MBD5: variants seen among roughly 807,000 people sequenced by gnomAD.
MBD5 encodes methyl-CpG-binding domain protein 5.
Under a neutral mutation model 117.3 loss-of-function variants are expected in MBD5, and 13 were observed. The observed-to-expected ratio is 0.11, with a 90% CI of 0.07 to 0.18. The LOEUF is 0.18. Ranked by LOEUF, MBD5 falls within the 10% of genes least tolerant of loss-of-function variation. The probability of loss-of-function intolerance (pLI) is 1.00; values close to 1 mark genes in which losing one functional copy is unlikely to be tolerated. For synonymous variants in MBD5, 727 were observed against 766.4 expected (o/e 0.95, Z 0.85); for missense variants, 1,879 against 2,093.8 (o/e 0.90, Z 2.00).
chr2:148,245,844 TTAAG>T (rs1375316963), intron 3 of MBD5, among the ~76,000 whole-genome samples: 1 of 152,172 alleles, frequency 6.6e-6, no homozygotes, highest in East Asian at 1.9e-4. Flanking sequence ...ACATGAGACA[TTAAG>T]TAAACTAAGA....
chr2:148,320,157 A>G (rs962057668), intron 3 of MBD5, among the ~76,000 whole-genome samples: 4 of 152,096 alleles, frequency 2.6e-5, no homozygotes, highest in Non-Finnish European at 5.9e-5. Context: ...AGTTTTTTGT[A>G]GAAGATTTTT....
At chr2:148,312,422 T>C (rs1356381230) in intron 3 of MBD5, among the ~76,000 whole-genome samples, 4 of 152,180 alleles carry the variant, frequency 2.6e-5, no homozygotes, top group Admixed American at 1.3e-4. Context: ...CTGATATCCT[T>C]TCTTCCACTT....
intron 6 of MBD5, among the ~76,000 whole-genome samples, chr2:148,463,101 A>C (rs1442276815): frequency 6.6e-6 from 1 of 152,198 alleles, no homozygotes; most frequent in African/African-American, 2.4e-5. Context: ...CCAAAATATG[A>C]AACTGTTTTA....
rs535850812 is a variant in MBD5 at position 148,251,274 on chromosome 2, C to T, written c.-680+17879C>T. Among the ~76,000 whole-genome samples the T allele has an allele frequency of 7.0e-4, 107 of 152,248 alleles. 1 individual carries two copies. The highest frequency in any genetic ancestry group is 1.2e-3 in the Admixed American group (18 of 15,298). Reference sequence around the variant, plus strand: ...TCCATTCGACTCGAGAAATACTGTACTTCAGAAGCCCTTGTTACTTGATGT... The same window carrying T: ...TCCATTCGACTCGAGAAATACTGTATTTCAGAAGCCCTTGTTACTTGATGT... On this transcript the variant is annotated intron_variant, in intron 3 of 13. Coordinates refer to ENST00000642680, the MANE Select transcript of MBD5 (RefSeq NM_001378120.1).
chr2:148,204,511 C>A (rs1442219206), intron 2 of MBD5, among the ~76,000 whole-genome samples: 1 of 152,080 alleles, frequency 6.6e-6, no homozygotes. Context: ...GGAAAGTTGA[C>A]CTAGAACTGT....
chr2:148,326,646 C>G (rs1345218809), intron 3 of MBD5, among the ~76,000 whole-genome samples: 3 of 151,848 alleles, frequency 2.0e-5, no homozygotes, highest in Non-Finnish European at 4.4e-5. Context: ...TTATCAGAGA[C>G]TAGGATTGCA....
At chr2:148,384,706 A>C (rs535074716) in intron 4 of MBD5, among the ~76,000 whole-genome samples, 197 of 152,158 alleles carry the variant, frequency 1.3e-3, no homozygotes, top group African/African-American at 4.4e-3. Flanking sequence ...ACCTGACTTC[A>C]AACTATATTA....
At chr2:148,023,089 T>A (rs1045841678) in intron 1 of MBD5, among the ~76,000 whole-genome samples, 6 of 144,538 alleles carry the variant, frequency 4.2e-5, no homozygotes, top group Admixed American at 3.4e-4. Context: ...CTCACACCCT[T>A]TTTTTTTTTT....
intron 1 of MBD5, among the ~76,000 whole-genome samples, chr2:148,149,155 G>C (rs1017126355): frequency 2.1e-5 from 3 of 142,280 alleles, no homozygotes; most frequent in South Asian, 2.3e-4. Context: ...TGATCTCATT[G>C]TTCAATTCCC....
chr2:148,119,349 T>G (rs1696711627), intron 1 of MBD5, among the ~76,000 whole-genome samples: 1 of 152,200 alleles, frequency 6.6e-6, no homozygotes, highest in African/African-American at 2.4e-5. Context: ...TGTGCAATTT[T>G]TAATTGAATT....
chr2:148,373,433 A>T (rs950705074), intron 4 of MBD5, among the ~76,000 whole-genome samples: 1 of 152,084 alleles, frequency 6.6e-6, no homozygotes, highest in African/African-American at 2.4e-5. Context: ...AAATACAAAC[A>T]TGTTCTTCTA....
chr2:148,123,295 T>G (rs527967879), intron 1 of MBD5, among the ~76,000 whole-genome samples: 1 of 152,358 alleles, frequency 6.6e-6, no homozygotes, highest in South Asian at 2.1e-4. Flanking sequence ...AGAAAATGAC[T>G]ATGATATGAA....
intron 11 of MBD5, among the ~76,000 whole-genome samples, chr2:148,498,320 T>G (rs1559103610): frequency 6.6e-6 from 1 of 152,232 alleles, no homozygotes; most frequent in Non-Finnish European, 1.5e-5. Flanking sequence ...TAACCAGCTC[T>G]ATTTAAAAGT....
intron 1 of MBD5, among the ~76,000 whole-genome samples, chr2:148,035,681 G>A (rs559343032): frequency 1.3e-5 from 2 of 152,152 alleles, no homozygotes; most frequent in Non-Finnish European, 2.9e-5. Flanking sequence ...CATTAGGTAG[G>A]CAATATTGCA....
At chr2:148,050,794 TTGATTA>T (rs1694678414) in intron 1 of MBD5, among the ~76,000 whole-genome samples, 1 of 152,182 alleles carries the variant, frequency 6.6e-6, no homozygotes, top group African/African-American at 2.4e-5. Flanking sequence ...CTACACTGTT[TTGATTA>T]CTGTAGCTTT....
At chr2:148,153,070 G>T (rs562001143) in intron 1 of MBD5, among the ~76,000 whole-genome samples, 60 of 151,994 alleles carry the variant, frequency 3.9e-4, no homozygotes, top group African/African-American at 1.4e-3. Context: ...TTTTGCAGCG[G>T]CTGGTACCGA....
At chr2:148,334,026 T>C (rs576480222) in intron 3 of MBD5, among the ~76,000 whole-genome samples, 1 of 152,336 alleles carries the variant, frequency 6.6e-6, no homozygotes, top group East Asian at 1.9e-4. Context: ...TTTTTTTGTT[T>C]ATTTATTTAT....
At chr2:148,411,312 G>A (rs940052629) in intron 4 of MBD5, among the ~76,000 whole-genome samples, 2 of 152,026 alleles carry the variant, frequency 1.3e-5, no homozygotes, top group Admixed American at 6.6e-5. Context: ...GGGCATATGC[G>A]TCCGTGTGTC....
At position 148,223,829 on chromosome 2, in the gene MBD5, G is replaced by A. The variant is rs535913948; in HGVS notation, c.-830-9416G>A. Among the ~76,000 whole-genome samples, 3 of 151,960 alleles carry A rather than the reference G, an allele frequency of 2.0e-5. No individual in the cohort carries two copies. In the East Asian group the frequency reaches 5.8e-4, roughly 29 times the overall value. On this transcript the variant is annotated intron_variant, in intron 2 of 13. Coordinates refer to ENST00000642680, the MANE Select transcript of MBD5 (RefSeq NM_001378120.1). ...TGAATCTTTAGGTTGTCTATTTGAA[G>A]TTTTTCTTCTTTTTTCATGTAGGCA...
Sources: allele counts gnomAD v4.1 joint callset (sites outside exome capture counted in the v4.1 genomes callset), GRCh38; gene constraint gnomAD v4.1.1; transcripts MANE v1.5; gene names NCBI Gene and HGNC (gene_info 2026-07-23, HGNC 2026-07-21).